NDUFS4: variants seen among roughly 807,000 people sequenced by gnomAD.
NDUFS4 encodes the protein NADH dehydrogenase [ubiquinone] iron-sulfur protein 4, mitochondrial.
A neutral mutation model predicts 24.3 loss-of-function variants in NDUFS4; 28 were observed. The observed-to-expected ratio is 1.15, with a 90% CI of 0.85 to 1.58. NDUFS4 has a LOEUF of 1.58. Among genes scored for constraint, NDUFS4 ranks in the 40% most tolerant of loss-of-function variants. The pLI is 0.00. For synonymous variants in NDUFS4, 93 were observed against 69.7 expected, an observed-to-expected ratio of 1.34 and a Z score of -1.67; for missense variants, 223 against 207.9, an observed-to-expected ratio of 1.07 and a Z score of -0.45.
At chr5:53,611,990 AT>A (rs879799465) in intron 2 of NDUFS4, among the ~76,000 whole-genome samples, 27 of 152,030 alleles carry the variant, frequency 1.8e-4, no homozygotes, top group African/African-American at 4.3e-4. Context: ...CTTTCTGATC[AT>A]TTTTTTAGCC....
intron 1 of NDUFS4, among the ~76,000 whole-genome samples, chr5:53,584,605 G>A (rs900499224): frequency 6.6e-6 from 1 of 152,028 alleles, no homozygotes; most frequent in Admixed American, 6.6e-5. Flanking sequence ...CTCCCAAAGT[G>A]CTGGGATTAC....
intron 1 of NDUFS4, among the ~76,000 whole-genome samples, chr5:53,582,922 G>T (rs181921122): frequency 6.6e-6 from 1 of 152,132 alleles, no homozygotes; most frequent in East Asian, 1.9e-4. Context: ...TTTTTTTTGA[G>T]TCGGAGTCTC....
chr5:53,597,718 G>A (rs1376543204), intron 1 of NDUFS4, among the ~76,000 whole-genome samples: 1 of 152,110 alleles, frequency 6.6e-6, no homozygotes, highest in South Asian at 2.1e-4. Flanking sequence ...ATAGGAAGAC[G>A]CTAAGCATCA....
intron 1 of NDUFS4, among the ~76,000 whole-genome samples, chr5:53,585,467 C>T (rs750194965): frequency 2.6e-5 from 4 of 152,078 alleles, no homozygotes; most frequent in South Asian, 4.1e-4. Context: ...ATTTTTGTGC[C>T]GGGCTTGGTG....
intron 1 of NDUFS4, among the ~76,000 whole-genome samples, chr5:53,601,294 C>T (rs1334373175): frequency 2.0e-5 from 3 of 152,048 alleles, no homozygotes; most frequent in African/African-American, 4.8e-5. Flanking sequence ...TGAGCCACCG[C>T]GCCCGGCTAC....
intron 3 of NDUFS4, among the ~76,000 whole-genome samples, chr5:53,647,874 T>A (rs1751911859): frequency 6.6e-6 from 1 of 152,226 alleles, no homozygotes; most frequent in Admixed American, 6.5e-5. Flanking sequence ...AATAGAATTA[T>A]ATTTTATTAG....
intron 2 of NDUFS4, among the ~76,000 whole-genome samples, chr5:53,632,512 T>G (rs934503280): frequency 6.6e-6 from 1 of 152,196 alleles, no homozygotes; most frequent in Non-Finnish European, 1.5e-5. Flanking sequence ...CCTTTTTTGC[T>G]TAACTCCTCT....
chr5:53,642,502 C>T (rs918795072), intron 2 of NDUFS4, among the ~76,000 whole-genome samples: 3 of 151,988 alleles, frequency 2.0e-5, no homozygotes, highest in Non-Finnish European at 2.9e-5. Context: ...GAAAAGAGAG[C>T]GGCCAGCAAG....
chr5:53,576,140 T>C (rs1749382270), intron 1 of NDUFS4, among the ~76,000 whole-genome samples: 1 of 152,254 alleles, frequency 6.6e-6, no homozygotes, highest in Admixed American at 6.5e-5. Flanking sequence ...TAGAAATAGA[T>C]ACAGTCATAT....
At chr5:53,661,623 C>T (rs1410015621) in intron 4 of NDUFS4, among the ~76,000 whole-genome samples, 2 of 152,148 alleles carry the variant, frequency 1.3e-5, no homozygotes, top group South Asian at 2.1e-4. Context: ...TTGATTCTTC[C>T]TACCCATGAG....
At chr5:53,581,562 G>T (rs989082592) in intron 1 of NDUFS4, among the ~76,000 whole-genome samples, 4 of 151,892 alleles carry the variant, frequency 2.6e-5, no homozygotes, top group Admixed American at 6.6e-5. Context: ...TGTAATTAAG[G>T]CTCTGTCTGC....
intron 1 of NDUFS4, among the ~76,000 whole-genome samples, chr5:53,570,684 C>CTTTT (rs70983360): frequency 4.2e-5 from 5 of 119,862 alleles, no homozygotes; most frequent in East Asian, 2.4e-4. Flanking sequence ...ATTTTTTTTT[C>CTTTT]TTTTTTTTTT....
chr5:53,642,977 A>C (rs1175495011), intron 2 of NDUFS4, among the ~76,000 whole-genome samples: 1 of 152,130 alleles, frequency 6.6e-6, no homozygotes, highest in Non-Finnish European at 1.5e-5. Flanking sequence ...TATTGCACAT[A>C]AGGTTGTATT....
chr5:53,617,567 T>TAACAGAC (rs1750880418), intron 2 of NDUFS4, among the ~76,000 whole-genome samples: 1 of 152,186 alleles, frequency 6.6e-6, no homozygotes, highest in African/African-American at 2.4e-5. Flanking sequence ...CCATTCTTTT[T>TAACAGAC]ATTCCGTACT....
At chr5:53,675,982 G>A (rs905284835) in intron 4 of NDUFS4, among the ~76,000 whole-genome samples, 4 of 152,130 alleles carry the variant, frequency 2.6e-5, no homozygotes, top group African/African-American at 9.7e-5. Flanking sequence ...GATGTCTCAA[G>A]GGGACCTCCA....
chr5:53,603,110 G>T (rs1750378413), intron 1 of NDUFS4, among the ~76,000 whole-genome samples: 2 of 151,964 alleles, frequency 1.3e-5, no homozygotes, highest in Non-Finnish European at 2.9e-5. Flanking sequence ...AGAACAATTG[G>T]TATAGCTTTG....
intron 3 of NDUFS4, among the ~76,000 whole-genome samples, chr5:53,656,215 A>ATT (rs34622186): frequency 1.4e-3 from 207 of 149,362 alleles, no homozygotes; most frequent in African/African-American, 4.0e-3. Flanking sequence ...CTAGAAGTTT[A>ATT]TTTTTTTTTT....
At chr5:53,609,729 C>T (rs905807655) in intron 2 of NDUFS4, among the ~76,000 whole-genome samples, 2 of 152,180 alleles carry the variant, frequency 1.3e-5, no homozygotes, top group Admixed American at 6.5e-5. Context: ...GTTATCTTAT[C>T]TAGATCTTCT....
At chr5:53,644,837 G>A (rs1751811904) in intron 2 of NDUFS4, among the ~76,000 whole-genome samples, 1 of 152,090 alleles carries the variant, frequency 6.6e-6, no homozygotes, top group African/African-American at 2.4e-5. Context: ...CAGGTGGAAA[G>A]GTATTGTGTT....
Sources: allele counts gnomAD v4.1 joint callset (sites outside exome capture counted in the v4.1 genomes callset), GRCh38; gene constraint gnomAD v4.1.1; transcripts MANE v1.5; gene names NCBI Gene and HGNC (gene_info 2026-07-23, HGNC 2026-07-21).